OTOG: variants seen among roughly 807,000 people sequenced by gnomAD.
OTOG encodes otogelin.
Under a neutral mutation model 313.8 loss-of-function variants are expected in OTOG, and 296 were observed. That is an observed-to-expected ratio of 0.94 (90% CI 0.86 to 1.04). The LOEUF (loss-of-function observed/expected upper bound fraction) is 1.04, where lower values mean the gene tolerates loss of function less well. Ranked by LOEUF, OTOG falls within the 50% of genes least tolerant of loss-of-function variation. OTOG has a pLI of 0.00. For missense variants in OTOG, 3,948 were observed against 3,840.1 expected (o/e 1.03, Z -0.74); for synonymous variants, 1,533 against 1,554.9 (o/e 0.99, Z 0.33).
chr11:17,640,879 T>G (rs907944468), intron 50 of OTOG, 34 bp from the exon 51 acceptor site: 1 of 1,549,398 alleles, frequency 6.5e-7, no homozygotes, highest in Admixed American at 2.0e-5. Context: ...GCCTGGGCTC[T>G]GGATGACTGT....
rs1232833136 is a variant in OTOG at position 17,605,947 on chromosome 11, A to G, written c.3968A>G (p.Gln1323Arg). The G allele has an allele frequency of 5.2e-6, 8 of 1,550,582 alleles. No individual in the cohort carries two copies. Among genetic ancestry groups the G allele is most frequent in the Non-Finnish European group, 7.0e-6 (8 of 1,146,978 alleles). ...ANGSLELAKW[Q>R]GRDTFQQHAS... ...GGGTCTCTGGAGCTGGCTAAGTGGC[A>G]GGGCCGTGACACCTTCCAACAGCAT... Residue 1323 changes from glutamine to arginine, a missense_variant, in exon 33 of 56, where the codon CAG becomes CGG. Transcript: ENST00000399397.
chr11:17,553,118 G>A lies in OTOG; in HGVS notation c.293-1G>A, dbSNP rs1175538561. ...GCAATGACTCTGTGTCTCCCATGCA[G>A]ACTTGTTCTCCTGCTTCAATGGAGG... On this transcript the variant is annotated splice_acceptor_variant, in intron 4 of 55. Coordinates refer to ENST00000399397, the MANE Select transcript of OTOG (RefSeq NM_001292063.2). LOFTEE classifies it high-confidence loss of function. The A allele has an allele frequency of 2.6e-6, 4 of 1,550,490 alleles. No homozygotes were observed. The highest frequency in any genetic ancestry group is 1.7e-6 in the Non-Finnish European group (2 of 1,146,976).
intron 48 of OTOG, among the ~76,000 whole-genome samples, chr11:17,639,102 G>A (rs1345436121): frequency 6.6e-6 from 1 of 152,220 alleles, no homozygotes; most frequent in Non-Finnish European, 1.5e-5. Context: ...TGGACCAGGT[G>A]AAGGGATTAA....
chr11:17,609,298 T>A (rs1853465981), intron 35 of OTOG, 89 bp downstream of exon 35: 1 of 1,233,426 alleles, frequency 8.1e-7, no homozygotes, highest in Admixed American at 2.1e-5. Context: ...AGCTCCCAGG[T>A]CCCAGAGAAG....
rs888280826 is a variant in OTOG at position 17,578,462 on chromosome 11, C to T, written c.2695C>T (p.Gln899Ter). ...ELSRERTCEQ[Q>*]LLNLSVSARG... ...GAGCAGGGAGAGGACGTGTGAGCAG[C>T]AACTGCTGAACCTGAGCGTGTCAGC... Residue 899 changes from glutamine to a stop codon, truncating the protein, a stop_gained, in exon 23 of 56, where the codon CAA becomes TAA. Transcript: ENST00000399397. LOFTEE classifies it high-confidence loss of function. The T allele has an allele frequency of 2.6e-6, 4 of 1,541,336 alleles. No individual in the cohort carries two copies. The highest frequency in any genetic ancestry group is 3.5e-6 in the Non-Finnish European group (4 of 1,146,904).
Position 17,591,564 on chromosome 11 carries a change from G to A in OTOG, c.2982G>A (p.Gly994=). 6.4e-7 allele frequency: 1 copy of A among 1,550,630 alleles called. No homozygotes were observed. Among genetic ancestry groups the A allele is most frequent in the South Asian group, 1.2e-5 (1 of 84,058 alleles). The part of the protein sequence containing the change: ...TFDGLPFDFV[G]ACKVHLVKST... ...ATGGGCTCCCGTTTGACTTCGTGGG[G>A]GCATGCAAAGTGCACCTGGTCAAGG... Residue 994 remains glycine (G), a synonymous_variant, in exon 25 of 56, where the codon GGG becomes GGA. Transcript: ENST00000399397.
intron 29 of OTOG, 144 bp from the exon 30 acceptor site, chr11:17,596,707 C>T (rs1853118372): frequency 5.8e-6 from 4 of 691,566 alleles, no homozygotes; most frequent in East Asian, 2.7e-5. Flanking sequence ...CTTCCTTGTC[C>T]TTCTCCCTTC....
Position 17,551,782 on chromosome 11 carries a change from G to A in OTOG, c.217-218G>A, listed in dbSNP as rs10766410. On this transcript the variant is annotated intron_variant, in intron 3 of 55. Coordinates refer to ENST00000399397, the MANE Select transcript of OTOG (RefSeq NM_001292063.2). ...CCGCAGAGATGCCACTTGGGAAGGT[G>A]AGAGCTAAGCCTTTGTTCCTCTGAG... Among the ~76,000 whole-genome samples, 63,327 of 151,920 alleles carry A rather than the reference G, an allele frequency of 0.42. 13,279 individuals are homozygous for A. Among genetic ancestry groups the A allele is most frequent in the East Asian group, 0.55 (2,838 of 5,138 alleles).
chr11:17,559,526 T>C lies in OTOG; in HGVS notation c.1214-8T>C, dbSNP rs866919135. On this transcript the variant is annotated splice_region_variant and splice_polypyrimidine_tract_variant and intron_variant, in intron 11 of 55. Coordinates refer to ENST00000399397, the MANE Select transcript of OTOG (RefSeq NM_001292063.2). ...TAGCTGAGAGACCATGGATCCCTCC[T>C]TCCCAAGCTGTGCACTGCAAGGAGA... is the stretch of plus-strand genomic sequence containing the variant. 20 of 1,550,476 alleles carry C rather than the reference T, an allele frequency of 1.3e-5. 1 individual carries two copies. In the Middle Eastern group the frequency reaches 2.5e-3, roughly 193 times the overall value.
chr11:17,548,188 C>T lies in OTOG; in HGVS notation c.192C>T (p.Asp64=). 6.5e-7 allele frequency: 1 copy of T among 1,547,910 alleles called. No individual in the cohort carries two copies. The highest frequency in any genetic ancestry group is 8.7e-7 in the Non-Finnish European group (1 of 1,145,588). Residue 64 remains aspartate (D), a synonymous_variant, in exon 3 of 56, where the codon GAC becomes GAT. Coordinates refer to ENST00000399397, the MANE Select transcript of OTOG (RefSeq NM_001292063.2). ...AGGAGGCGACCCTTGCCATGGGGGA[C>T]AAGGCTACAGTCGTGGGAGGCCAGG... ...SHQEATLAMG[D]KATVVGGQQA... is the part of the protein sequence containing the mutation.
chr11:17,612,152 C>G lies in OTOG; in HGVS notation c.6124-10C>G. On this transcript the variant is annotated splice_polypyrimidine_tract_variant and intron_variant, in intron 36 of 55. Transcript: ENST00000399397. ...GATGGTCACTCACACTTCCTCCACTCTGTACCCAGCCAATCGCCGAGCAGG... is the reference window on the plus strand; with the variant it reads ...GATGGTCACTCACACTTCCTCCACTGTGTACCCAGCCAATCGCCGAGCAGG... The G allele has an allele frequency of 6.5e-7, 1 of 1,549,174 alleles. No individual in the cohort carries two copies. The highest frequency in any genetic ancestry group is 8.7e-7 in the Non-Finnish European group (1 of 1,146,954).
chr11:17,588,960 G>T (rs1458135236), intron 24 of OTOG, among the ~76,000 whole-genome samples: 4 of 152,082 alleles, frequency 2.6e-5, no homozygotes, highest in African/African-American at 9.7e-5. Flanking sequence ...CCTCTCTGCT[G>T]CCTCTCACCC....
At chr11:17,556,191 C>T (rs1321222930) in intron 7 of OTOG, among the ~76,000 whole-genome samples, 1 of 152,154 alleles carries the variant, frequency 6.6e-6, no homozygotes, top group Admixed American at 6.5e-5. Context: ...AGCATGCTTA[C>T]TTTTCCCTCC....
At chr11:17,576,932 G>A in intron 22 of OTOG, 21 bp downstream of exon 22, 13 of 1,549,580 alleles carry the variant, frequency 8.4e-6, no homozygotes, top group Non-Finnish European at 1.1e-5. Flanking sequence ...GTGGAGGGGT[G>A]GAGCCCTTCT....
At chr11:17,602,461 T>C in intron 32 of OTOG, 84 bp downstream of exon 32, 1 of 1,424,990 alleles carries the variant, frequency 7.0e-7, no homozygotes, top group Non-Finnish European at 9.3e-7. Context: ...GCCCTAAGTA[T>C]CTGTAGTGGC....
intron 30 of OTOG, among the ~76,000 whole-genome samples, chr11:17,599,347 C>T (rs376916149): frequency 3.2e-4 from 49 of 152,360 alleles, no homozygotes; most frequent in African/African-American, 1.1e-3. Context: ...CTCCTTGGTT[C>T]TAATCCTGCT....
chr11:17,635,069 CT>C lies in OTOG; in HGVS notation c.7586-7del. 2 of 1,544,838 alleles carry C rather than the reference CT, an allele frequency of 1.3e-6. No individual in the cohort carries two copies. Among genetic ancestry groups the C allele is most frequent in the African/African-American group, 1.4e-5 (1 of 73,032 alleles). On this transcript the variant is annotated splice_polypyrimidine_tract_variant and intron_variant, in intron 45 of 55. Coordinates refer to ENST00000399397, the MANE Select transcript of OTOG (RefSeq NM_001292063.2). ...TCCTCTCCCAGCACCTAAATTCAGC[CT>C]TTTCCCCAGAGTGTGACCCAGATCT... is the stretch of plus-strand genomic sequence containing the variant.
rs1853730200 is a variant in OTOG, at chr11:17,616,753, G to GACAA, written c.6528+3052_6528+3053insACAA. Among the ~76,000 whole-genome samples the GACAA allele has an allele frequency of 2.0e-5, 3 of 152,276 alleles. No individual in the cohort carries two copies. The South Asian group carries it at 6.2e-4, about 32-fold the overall frequency. ...GCAACGTTACTAAGCTCAGTTATTA[G>GACAA]TTCTTAAATTCTTTGGGTTTTTCTA... On this transcript the variant is annotated intron_variant, in intron 39 of 55. Coordinates refer to ENST00000399397, the MANE Select transcript of OTOG (RefSeq NM_001292063.2).
At chr11:17,563,510 T>C (rs1487343138) in intron 15 of OTOG, among the ~76,000 whole-genome samples, 1 of 152,216 alleles carries the variant, frequency 6.6e-6, no homozygotes, top group Non-Finnish European at 1.5e-5. Context: ...GGCCCAGCCC[T>C]GGCTTGGCTG....
Sources: gnomAD v4.1 joint callset for allele counts (sites outside exome capture counted in the v4.1 genomes callset) on GRCh38, gnomAD v4.1.1 for gene constraint, MANE v1.5 for transcripts, NCBI Gene and HGNC (gene_info 2026-07-23, HGNC 2026-07-21) for gene names.